Variants in ABCE1 observed in about 807,000 individuals in gnomAD.
ABCE1 encodes ATP-binding cassette sub-family E member 1.
ABCE1 carries 22 observed loss-of-function variants against 83.4 expected under a neutral mutation model. That is an observed-to-expected ratio of 0.26 (90% CI 0.19 to 0.38). The LOEUF (loss-of-function observed/expected upper bound fraction) is 0.38. Among genes scored for constraint, ABCE1 ranks in the 10% least tolerant of loss-of-function variants. The pLI is 1.00. For synonymous variants in ABCE1, 204 were observed against 233.7 expected (o/e 0.87, Z 1.16); for missense variants, 330 against 721.9 (o/e 0.46, Z 6.22).
At chr4:145,122,180 G>C (rs927159649) in intron 13 of ABCE1, 3 of 152,170 alleles carry the variant, frequency 2.0e-5, no homozygotes, top group Non-Finnish European at 4.4e-5. Flanking sequence ...ATTTCTGCGG[G>C]TGTTGTAATG....
intron 9 of ABCE1, among the ~76,000 whole-genome samples, chr4:145,114,882 A>G (rs1056962293): frequency 6.6e-6 from 1 of 151,978 alleles, no homozygotes; most frequent in Admixed American, 6.6e-5. Context: ...ATAAAGAGTC[A>G]TAAAAAGTAT....
intron 3 of ABCE1, 102 bp from the exon 4 acceptor site, chr4:145,107,913 C>T: frequency 1.2e-6 from 1 of 843,272 alleles, no homozygotes. Flanking sequence ...TTTATGAAAT[C>T]ATGTTTAGAA....
At chr4:145,110,577 G>A in intron 7 of ABCE1, 133 bp downstream of exon 7, 1 of 820,730 alleles carries the variant, frequency 1.2e-6, no homozygotes, top group South Asian at 1.7e-5. Flanking sequence ...CCGGGTTCAA[G>A]CGATACTCCT....
At chr4:145,118,484 C>G (rs1217077799) in intron 10 of ABCE1, among the ~76,000 whole-genome samples, 1 of 151,568 alleles carries the variant, frequency 6.6e-6, no homozygotes, top group African/African-American at 2.4e-5. Flanking sequence ...ACCTAGTTTT[C>G]TTGCCAGTAG....
At chr4:145,112,360 T>C (rs1270965221) in intron 9 of ABCE1, 32 bp downstream of exon 9, 2 of 1,410,188 alleles carry the variant, frequency 1.4e-6, no homozygotes. Context: ...TACTGTGTTG[T>C]TTTGTTTGGA....
intron 10 of ABCE1, 148 bp from the exon 11 acceptor site, chr4:145,119,784 G>A: frequency 3.4e-6 from 2 of 592,882 alleles, no homozygotes; most frequent in Admixed American, 3.6e-5. Flanking sequence ...AATATATATA[G>A]TTTTTTAAGT....
intron 3 of ABCE1, among the ~76,000 whole-genome samples, chr4:145,107,483 A>C (rs767866533): frequency 6.6e-6 from 1 of 152,198 alleles, no homozygotes; most frequent in Non-Finnish European, 1.5e-5. Flanking sequence ...ATGTTTTAAC[A>C]AAACCAAACA....
At chr4:145,104,280 ATCATT>A (rs1226172748) in intron 1 of ABCE1, 101 bp from the exon 2 acceptor site, 4 of 423,106 alleles carry the variant, frequency 9.5e-6, no homozygotes, top group African/African-American at 8.2e-5. Flanking sequence ...TTTGCAGATA[ATCATT>A]TCATCTCCAT....
At chr4:145,099,019 C>G (rs569239915) in intron 1 of ABCE1, among the ~76,000 whole-genome samples, 3 of 152,334 alleles carry the variant, frequency 2.0e-5, no homozygotes, top group South Asian at 4.1e-4. Context: ...CAAGTAGTTT[C>G]CCAGTAGAAA....
chr4:145,120,696 C>CA (rs1213851957), intron 11 of ABCE1, among the ~76,000 whole-genome samples: 1 of 152,010 alleles, frequency 6.6e-6, no homozygotes, highest in Non-Finnish European at 1.5e-5. Context: ...TGTAATCTTA[C>CA]AGCTTACAAA....
Position 145,121,333 on chromosome 4 carries a change from G to T in ABCE1, c.1205G>T (p.Gly402Val). The change falls in exon 13 of 18, where the codon GGA (glycine) becomes GTA (valine). Residue 402 changes from glycine (G) to valine (V), a missense_variant and splice_region_variant. Physicochemically the swap from Gly to Val is moderately radical, Grantham distance 109. Coordinates refer to ENST00000296577, the MANE Select transcript of ABCE1 (RefSeq NM_002940.3). ...TCTTATGTATTTCATTATTTTGCAG[G>T]AGAAGTACCAGTTCTAAATGTCAGT... is the stretch of plus-strand genomic sequence containing the variant. ...LAGRLKPDEG[G>V]EVPVLNVSYK... is the part of the protein sequence containing the mutation. 6.2e-7 allele frequency: 1 copy of T among 1,613,158 alleles called. No homozygotes were observed. The highest frequency in any genetic ancestry group is 1.1e-5 in the South Asian group (1 of 90,902).
chr4:145,112,464 A>G (rs1252377614), intron 9 of ABCE1, 136 bp downstream of exon 9: 1 of 644,954 alleles, frequency 1.6e-6, no homozygotes, highest in Non-Finnish European at 2.7e-6. Context: ...ACCTAAATTT[A>G]CCTTTCTTTA....
Position 145,127,819 on chromosome 4 carries a change from A to C in ABCE1, c.*246A>C. On this transcript the variant is annotated 3_prime_UTR_variant, in exon 18 of 18. Transcript: ENST00000296577. ...TTCTAAAATGAAGACATTTCAAGCT[A>C]TACAAATTACTTCCAAGTTTTCATG... The C allele has an allele frequency of 3.0e-6, 1 of 331,886 alleles. No individual in the cohort carries two copies. The highest frequency in any genetic ancestry group is 5.4e-6 in the Non-Finnish European group (1 of 185,800). The allele number at this position is 331,886 out of a possible 1,614,324, so 20.6% of individuals were successfully genotyped here.
chr4:145,123,062 T>C lies in ABCE1; in HGVS notation c.1305T>C (p.Ala435=). ...RQLLHEKIRD[A]YTHPQFVTDV... ...TACTACATGAAAAGATAAGAGATGC[T>C]TATACTCACCCACAATTTGTGACCG... Residue 435 remains alanine, a synonymous_variant, in exon 14 of 18, where the codon GCT becomes GCC. Coordinates refer to ENST00000296577, the MANE Select transcript of ABCE1 (RefSeq NM_002940.3). 6.2e-7 allele frequency: 1 copy of C among 1,605,642 alleles called. No individual in the cohort carries two copies.
intron 1 of ABCE1, 113 bp from the exon 2 acceptor site, chr4:145,104,272 TG>T: frequency 2.4e-6 from 1 of 420,252 alleles, no homozygotes; most frequent in South Asian, 9.2e-5. Context: ...ATTTTTTTTT[TG>T]CAGATAATCA....
At chr4:145,111,517 G>A (rs1048605141) in intron 8 of ABCE1, among the ~76,000 whole-genome samples, 10 of 151,940 alleles carry the variant, frequency 6.6e-5, no homozygotes, top group Admixed American at 3.3e-4. Context: ...TAGTAGAGAC[G>A]GGGTTTCACC....
chr4:145,129,117 T>C lies in ABCE1; in HGVS notation c.*1544T>C, dbSNP rs1749970309. The C allele has an allele frequency of 6.6e-6, 1 of 152,186 alleles. No individual in the cohort carries two copies. The highest frequency in any genetic ancestry group is 1.5e-5 in the Non-Finnish European group (1 of 68,018). 9.4% of individuals were successfully genotyped at this position (152,186 alleles called of 1,614,324 possible). On this transcript the variant is annotated 3_prime_UTR_variant, in exon 18 of 18. Transcript: ENST00000296577. ...TATTTTTAAGGATAGGTTAAATTTGTGAATGATCATTTCAAATATATTGAA... is the reference window on the plus strand; with the variant it reads ...TATTTTTAAGGATAGGTTAAATTTGCGAATGATCATTTCAAATATATTGAA...
At chr4:145,125,934 G>A (rs551512693) in intron 17 of ABCE1, among the ~76,000 whole-genome samples, 4 of 151,748 alleles carry the variant, frequency 2.6e-5, no homozygotes, top group South Asian at 2.1e-4. Flanking sequence ...CCAGCTACTC[G>A]GGAGGCTGAG....
intron 1 of ABCE1, among the ~76,000 whole-genome samples, chr4:145,103,297 CA>C (rs2126698578): frequency 1.3e-5 from 2 of 152,184 alleles, no homozygotes; most frequent in African/African-American, 4.8e-5. Context: ...AAAAAGACAA[CA>C]TGATCTCTTT....
Sources: gnomAD v4.1 joint callset for allele counts (sites outside exome capture counted in the v4.1 genomes callset) on GRCh38, gnomAD v4.1.1 for gene constraint, MANE v1.5 for transcripts, NCBI Gene and HGNC (gene_info 2026-07-23, HGNC 2026-07-21) for gene names.